LRRC4C: variants seen among roughly 807,000 people sequenced by gnomAD.
LRRC4C encodes the protein leucine-rich repeat-containing protein 4C.
In LRRC4C, 5 loss-of-function variants were observed where a neutral mutation model predicts 33.6. That is an observed-to-expected ratio of 0.15 (90% CI 0.08 to 0.31). The LOEUF (loss-of-function observed/expected upper bound fraction) is 0.31, where lower values mean the gene tolerates loss of function less well. LRRC4C is among the 10% of genes least tolerant of loss of function. The pLI is 1.00. For missense variants in LRRC4C, 560 were observed against 796.7 expected (o/e 0.70, Z 3.58); for synonymous variants, 329 against 302.0 (o/e 1.09, Z -0.93).
chr11:41,150,244 T>G (rs1943929622), intron 1 of LRRC4C, among the ~76,000 whole-genome samples: 1 of 152,216 alleles, frequency 6.6e-6, no homozygotes, highest in Non-Finnish European at 1.5e-5. Flanking sequence ...GCTAGTGTAT[T>G]CTACATATCT....
At position 40,244,661 on chromosome 11, in the gene LRRC4C, T is replaced by C. The variant is rs560576497; in HGVS notation, c.-175-3063A>G. Among the ~76,000 whole-genome samples, 12 of 152,296 alleles carry C rather than the reference T, an allele frequency of 7.9e-5. No homozygotes were observed. The South Asian group carries it at 2.5e-3, about 32-fold the overall frequency. On this transcript the variant is annotated intron_variant, in intron 4 of 6. Transcript: ENST00000528697. ...TGTGGTTCTCTCCCATGCATGTTAA[T>C]AAACTCGTATGCCTTCTCACTTATT...
At chr11:41,253,901 G>A (rs1003600716) in intron 1 of LRRC4C, among the ~76,000 whole-genome samples, 1 of 151,940 alleles carries the variant, frequency 6.6e-6, no homozygotes, top group Non-Finnish European at 1.5e-5. Flanking sequence ...CCAGGCACAG[G>A]GCCATTTTAA....
chr11:41,171,209 A>T (rs1944962179), intron 1 of LRRC4C, among the ~76,000 whole-genome samples: 1 of 152,078 alleles, frequency 6.6e-6, no homozygotes, highest in South Asian at 2.1e-4. Context: ...TTCCTCAGGG[A>T]TCTAGAACTA....
intron 2 of LRRC4C, among the ~76,000 whole-genome samples, chr11:40,788,154 C>T (rs1254016304): frequency 6.6e-6 from 1 of 152,156 alleles, no homozygotes; most frequent in Non-Finnish European, 1.5e-5. Context: ...GTTCTGTCTT[C>T]TTCATGCACA....
chr11:41,348,794 A>G (rs1951881007), intron 1 of LRRC4C, among the ~76,000 whole-genome samples: 1 of 152,126 alleles, frequency 6.6e-6, no homozygotes. Flanking sequence ...ATAGGCATGG[A>G]GTGGCCCACT....
chr11:40,125,910 A>T (rs1464941611), intron 6 of LRRC4C, among the ~76,000 whole-genome samples: 1 of 152,192 alleles, frequency 6.6e-6, no homozygotes, highest in Non-Finnish European at 1.5e-5. Flanking sequence ...TTTTTAACCC[A>T]ATCTTGCAAA....
intron 2 of LRRC4C, among the ~76,000 whole-genome samples, chr11:40,856,053 G>C (rs1308754880): frequency 6.6e-6 from 1 of 151,918 alleles, no homozygotes; most frequent in East Asian, 1.9e-4. Context: ...AAATACTCCA[G>C]TTACATAAAT....
At chr11:41,150,072 C>A (rs1348697356) in intron 1 of LRRC4C, among the ~76,000 whole-genome samples, 3 of 152,138 alleles carry the variant, frequency 2.0e-5, no homozygotes, top group Non-Finnish European at 4.4e-5. Context: ...AAAATCATAT[C>A]TTCCCTTATG....
chr11:40,795,105 T>G (rs184342683), intron 2 of LRRC4C, among the ~76,000 whole-genome samples: 70 of 152,274 alleles, frequency 4.6e-4, no homozygotes, highest in African/African-American at 1.6e-3. Context: ...GTCAATGACT[T>G]GCAGGCTTAC....
intron 2 of LRRC4C, among the ~76,000 whole-genome samples, chr11:40,905,564 C>G (rs1272146008): frequency 3.3e-5 from 5 of 152,182 alleles, no homozygotes; most frequent in African/African-American, 1.2e-4. Flanking sequence ...TCCATATGCT[C>G]TGCTTTCCAC....
At chr11:40,856,212 CTG>C (rs780121675) in intron 2 of LRRC4C, among the ~76,000 whole-genome samples, 4 of 152,062 alleles carry the variant, frequency 2.6e-5, no homozygotes, top group Non-Finnish European at 5.9e-5. Flanking sequence ...ATTCTTAAAA[CTG>C]TGAAAATGGA....
chr11:40,332,091 T>C (rs1315985013), intron 3 of LRRC4C, among the ~76,000 whole-genome samples: 1 of 152,216 alleles, frequency 6.6e-6, no homozygotes, highest in Non-Finnish European at 1.5e-5. Context: ...AAAAACTGAA[T>C]GCACTTTAGC....
At chr11:40,282,335 A>G (rs545798398) in intron 4 of LRRC4C, among the ~76,000 whole-genome samples, 11 of 151,852 alleles carry the variant, frequency 7.2e-5, no homozygotes, top group Non-Finnish European at 1.5e-4. Context: ...ACAGAGTGAG[A>G]CTCCATCTCA....
chr11:40,704,706 T>C (rs2136518183), intron 2 of LRRC4C, among the ~76,000 whole-genome samples: 1 of 152,316 alleles, frequency 6.6e-6, no homozygotes, highest in Admixed American at 6.5e-5. Flanking sequence ...TCAGGATTAA[T>C]TAAAGTAACA....
At chr11:40,408,326 G>A (rs573422002) in intron 3 of LRRC4C, among the ~76,000 whole-genome samples, 20 of 152,028 alleles carry the variant, frequency 1.3e-4, no homozygotes, top group South Asian at 1.2e-3. Context: ...AATTGCACTC[G>A]TAGCATTTAA....
At chr11:41,154,186 A>G (rs900913830) in intron 1 of LRRC4C, among the ~76,000 whole-genome samples, 1 of 152,190 alleles carries the variant, frequency 6.6e-6, no homozygotes, top group African/African-American at 2.4e-5. Flanking sequence ...TCATAAAGCT[A>G]AACCTTACTT....
intron 1 of LRRC4C, among the ~76,000 whole-genome samples, chr11:41,079,347 G>A (rs529844677): frequency 2.0e-5 from 3 of 152,298 alleles, no homozygotes; most frequent in South Asian, 4.2e-4. Context: ...GGGTGACAAG[G>A]CATGAATACA....
At chr11:40,843,332 C>T (rs945884611) in intron 2 of LRRC4C, among the ~76,000 whole-genome samples, 1 of 152,062 alleles carries the variant, frequency 6.6e-6, no homozygotes, top group Non-Finnish European at 1.5e-5. Context: ...GGGAACTCCT[C>T]GCAGGCATCT....
At chr11:40,900,387 A>G (rs2136184535) in intron 2 of LRRC4C, among the ~76,000 whole-genome samples, 1 of 152,162 alleles carries the variant, frequency 6.6e-6, no homozygotes, top group East Asian at 1.9e-4. Context: ...CATTTATCTA[A>G]AGACTAATGA....
Sources: gnomAD v4.1 joint callset for allele counts (sites outside exome capture counted in the v4.1 genomes callset) on GRCh38, gnomAD v4.1.1 for gene constraint, MANE v1.5 for transcripts, NCBI Gene and HGNC (gene_info 2026-07-23, HGNC 2026-07-21) for gene names.